Variants in PIK3C2G observed in about 807,000 individuals in gnomAD.
The protein encoded by PIK3C2G is phosphatidylinositol 3-kinase C2 domain-containing subunit gamma.
A neutral mutation model predicts 181.1 loss-of-function variants in PIK3C2G; 168 were observed. That is an observed-to-expected ratio of 0.93 (90% CI 0.82 to 1.05). The LOEUF is 1.05. Among genes scored for constraint, PIK3C2G ranks in the 50% least tolerant of loss-of-function variants. The pLI is 0.00. For missense variants in PIK3C2G, 1,869 were observed against 1,732.8 expected (o/e 1.08, Z -1.40); for synonymous variants, 573 against 592.2 (o/e 0.97, Z 0.47).
chr12:18,621,203 A>G (rs904246418), intron 31 of PIK3C2G, among the ~76,000 whole-genome samples: 3 of 149,764 alleles, frequency 2.0e-5, no homozygotes, highest in Non-Finnish European at 4.5e-5. Context: ...AAGCAATTTG[A>G]AAAAAAAACA....
At chr12:18,488,061 G>C (rs1940224460) in intron 18 of PIK3C2G, among the ~76,000 whole-genome samples, 1 of 152,034 alleles carries the variant, frequency 6.6e-6, no homozygotes. Flanking sequence ...GAAAAAGTTA[G>C]GCTTGATGTT....
chr12:18,319,657 C>A (rs981897206), intron 6 of PIK3C2G, among the ~76,000 whole-genome samples: 2 of 152,132 alleles, frequency 1.3e-5, no homozygotes, highest in Non-Finnish European at 2.9e-5. Context: ...AAAGATGTAA[C>A]TAAGTATATT....
chr12:18,656,712 G>A, the PIK3C2G span, among the ~76,000 whole-genome samples: 7 of 151,572 alleles, frequency 4.6e-5, no homozygotes, highest in African/African-American at 9.7e-5. Flanking sequence ...TCCAGCCTGG[G>A]TGACAGAGCA....
intron 1 of PIK3C2G, among the ~76,000 whole-genome samples, chr12:18,254,516 T>G (rs1192865937): frequency 6.6e-6 from 1 of 152,046 alleles, no homozygotes; most frequent in Admixed American, 6.5e-5. Flanking sequence ...TTTTGTAATA[T>G]TTGTAATATT....
chr12:18,595,368 T>A (rs990522532), intron 30 of PIK3C2G, among the ~76,000 whole-genome samples: 10 of 152,108 alleles, frequency 6.6e-5, no homozygotes, highest in Non-Finnish European at 1.2e-4. Context: ...TGTATTAAAG[T>A]GTTGGTTAAC....
At chr12:18,398,656 T>A (rs1369485623) in intron 15 of PIK3C2G, among the ~76,000 whole-genome samples, 5 of 152,168 alleles carry the variant, frequency 3.3e-5, no homozygotes, top group African/African-American at 1.2e-4. Context: ...TGATAAATTG[T>A]CAGCAAGTCA....
the PIK3C2G span, among the ~76,000 whole-genome samples, chr12:18,673,781 G>C: frequency 6.6e-6 from 1 of 152,140 alleles, no homozygotes; most frequent in Non-Finnish European, 1.5e-5. Flanking sequence ...AGTAGCTGTT[G>C]GAAGCATTCA....
At position 18,388,910 on chromosome 12, in the gene PIK3C2G, C is replaced by A. The variant is rs550999931; in HGVS notation, c.1996-2212C>A. Reference sequence around the variant, plus strand: ...TTTGAATATGTTCCTCTATCCCCCCCAAAAAAACATATTTTTGTTGCTGTT... The same window carrying A: ...TTTGAATATGTTCCTCTATCCCCCCAAAAAAAACATATTTTTGTTGCTGTT... On this transcript the variant is annotated intron_variant, in intron 14 of 32. Coordinates refer to ENST00000538779, the MANE Select transcript of PIK3C2G (RefSeq NM_001288772.2). Among the ~76,000 whole-genome samples, 82 of 152,034 alleles carry A rather than the reference C, an allele frequency of 5.4e-4. 1 individual carries two copies. Among genetic ancestry groups the A allele is most frequent in the African/African-American group, 1.9e-3 (78 of 41,490 alleles).
rs1171708176 is a variant in PIK3C2G at position 18,385,490 on chromosome 12, G to C, written c.1995+3610G>C. Among the ~76,000 whole-genome samples, 3 of 152,268 alleles carry C rather than the reference G, an allele frequency of 2.0e-5. No homozygotes were observed. The East Asian group carries it at 5.8e-4, about 29-fold the overall frequency. ...TCCCCGAATGCAATCTAGTGGAACAGCTCTGTCACATATTTAAGCACGAAA... is the reference window on the plus strand; with the variant it reads ...TCCCCGAATGCAATCTAGTGGAACACCTCTGTCACATATTTAAGCACGAAA... On this transcript the variant is annotated intron_variant, in intron 14 of 32. Transcript: ENST00000538779.
At chr12:18,394,030 G>C (rs1287030475) in intron 15 of PIK3C2G, among the ~76,000 whole-genome samples, 1 of 151,952 alleles carries the variant, frequency 6.6e-6, no homozygotes, top group East Asian at 1.9e-4. Context: ...AACTTTCCAG[G>C]GCCTACAAGA....
At chr12:18,339,206 A>G (rs963985450) in intron 9 of PIK3C2G, among the ~76,000 whole-genome samples, 1 of 152,146 alleles carries the variant, frequency 6.6e-6, no homozygotes, top group Non-Finnish European at 1.5e-5. Context: ...TCTGGTTACA[A>G]TAAATTCATT....
At chr12:18,488,024 G>A (rs994016329) in intron 18 of PIK3C2G, among the ~76,000 whole-genome samples, 3 of 152,120 alleles carry the variant, frequency 2.0e-5, no homozygotes, top group East Asian at 3.9e-4. Context: ...GTGACAGTGC[G>A]GGGATATTAT....
chr12:18,254,115 C>T (rs1475570067), intron 1 of PIK3C2G, among the ~76,000 whole-genome samples: 1 of 151,938 alleles, frequency 6.6e-6, no homozygotes, highest in Admixed American at 6.6e-5. Flanking sequence ...ATATGTTTTT[C>T]TTATTTTATT....
rs551293308 is a variant in PIK3C2G at position 18,630,999 on chromosome 12, T to A, written c.4183-9430T>A. Among the ~76,000 whole-genome samples the A allele has an allele frequency of 5.9e-5, 9 of 152,058 alleles. No individual in the cohort carries two copies. In the South Asian group the frequency reaches 1.0e-3, roughly 18 times the overall value. On this transcript the variant is annotated intron_variant, in intron 31 of 32. Transcript: ENST00000538779. ...TGCAGCCAGAGTTTAAAAAAAAAAATTGCAGTGTAAGACATTTAGACAAGT... is the reference window on the plus strand; with the variant it reads ...TGCAGCCAGAGTTTAAAAAAAAAAAATGCAGTGTAAGACATTTAGACAAGT...
chr12:18,263,019 A>G (rs1948315752), intron 1 of PIK3C2G, among the ~76,000 whole-genome samples: 1 of 152,156 alleles, frequency 6.6e-6, no homozygotes, highest in Non-Finnish European at 1.5e-5. Flanking sequence ...TAGACCTTTT[A>G]TGACAAAACT....
At chr12:18,520,229 T>G (rs149776492) in intron 24 of PIK3C2G, among the ~76,000 whole-genome samples, 3,235 of 152,102 alleles carry the variant, frequency 0.021, 67 homozygotes, top group African/African-American at 0.047. Context: ...GTCTTAGTGG[T>G]GTCCTCTGAA....
Position 18,599,733 on chromosome 12 carries a change from G to A in PIK3C2G, c.4087+5164G>A, listed in dbSNP as rs191217551. ...AAAACACACCTAAAACAAAGTGATT[G>A]TGAAAGGTTGAAAATTAAAATATAG... On this transcript the variant is annotated intron_variant, in intron 30 of 32. Transcript: ENST00000538779. 4.1e-3 allele frequency among the ~76,000 whole-genome samples: 616 copies of A among 151,484 alleles called. 9 individuals carry two copies. The highest frequency in any genetic ancestry group is 0.014 in the African/African-American group (593 of 41,440).
In PIK3C2G at chr12:18,614,976, A is replaced by C. The variant is rs115176197; in HGVS notation, c.4182+5347A>C. 2.0e-3 allele frequency among the ~76,000 whole-genome samples: 309 copies of C among 151,842 alleles called. 3 individuals carry two copies. The highest frequency in any genetic ancestry group is 7.2e-3 in the African/African-American group (297 of 41,404). ...AATTACTTTTCTTTTCTTTTCTTTT[A>C]TTATTTCAATGCTTTTTAGGGAACA... is the stretch of plus-strand genomic sequence containing the variant. On this transcript the variant is annotated intron_variant, in intron 31 of 32. Coordinates refer to ENST00000538779, the MANE Select transcript of PIK3C2G (RefSeq NM_001288772.2).
At chr12:18,691,572 G>C in the PIK3C2G span, among the ~76,000 whole-genome samples, 2 of 152,208 alleles carry the variant, frequency 1.3e-5, no homozygotes, top group Middle Eastern at 3.4e-3. Context: ...TGGAAGGTAG[G>C]GGGTAAAAGG....
Sources: gnomAD v4.1 joint callset for allele counts (sites outside exome capture counted in the v4.1 genomes callset) on GRCh38, gnomAD v4.1.1 for gene constraint, MANE v1.5 for transcripts, NCBI Gene and HGNC (gene_info 2026-07-23, HGNC 2026-07-21) for gene names.